NMNAT1: variants seen among roughly 807,000 people sequenced by gnomAD.
NMNAT1 encodes nicotinamide nucleotide adenylyltransferase 1, also known as nicotinamide/nicotinic acid mononucleotide adenylyltransferase 1.
Under a neutral mutation model 16.7 loss-of-function variants are expected in NMNAT1, and 11 were observed. That is an observed-to-expected ratio of 0.66 (90% CI 0.41 to 1.09). The LOEUF is 1.09. Ranked by LOEUF, NMNAT1 falls within the 50% of genes least tolerant of loss-of-function variation. The pLI is 0.00. For synonymous variants in NMNAT1, 110 were observed against 119.8 expected (o/e 0.92, Z 0.53); for missense variants, 280 against 332.3 (o/e 0.84, Z 1.22).
intron 3 of NMNAT1, among the ~76,000 whole-genome samples, chr1:9,977,349 C>T (rs1570711276): frequency 6.6e-6 from 1 of 152,126 alleles, no homozygotes; most frequent in African/African-American, 2.4e-5. Context: ...CCTAGGCCTC[C>T]CAAAGTGCTG....
intron 2 of NMNAT1, 95 bp from the exon 3 acceptor site, chr1:9,975,497 A>AAAAAC (rs1215858759): frequency 2.7e-6 from 3 of 1,107,378 alleles, no homozygotes; most frequent in Admixed American, 2.6e-5. Context: ...CTCTGTCTCA[A>AAAAAC]AAAACAAAAC....
At position 9,975,668 on chromosome 1, in the gene NMNAT1, T is replaced by C. The variant is rs776032481; in HGVS notation, c.192T>C (p.Tyr64=). ...AYKKKGLIPA[Y]HRVIMAELAT... Reference sequence around the variant, plus strand: ...AGAAGAAAGGACTCATTCCTGCCTATCACCGGGTCATCATGGCAGAACTTG... The same window carrying C: ...AGAAGAAAGGACTCATTCCTGCCTACCACCGGGTCATCATGGCAGAACTTG... Residue 64 remains tyrosine (Y), a synonymous_variant, in exon 3 of 5, where the codon TAT becomes TAC. Transcript: ENST00000377205. The C allele has an allele frequency of 1.2e-6, 2 of 1,614,046 alleles. No individual in the cohort carries two copies. Among genetic ancestry groups the C allele is most frequent in the Non-Finnish European group, 1.7e-6 (2 of 1,179,940 alleles).
chr1:9,987,749 A>C (rs1006376647), downstream of NMNAT1, among the ~76,000 whole-genome samples: 1 of 151,952 alleles, frequency 6.6e-6, no homozygotes, highest in African/African-American at 2.4e-5. Flanking sequence ...AGATTGCTTG[A>C]GCCTGGGATC....
the NMNAT1 span, among the ~76,000 whole-genome samples, chr1:9,996,663 T>C: frequency 2.6e-5 from 4 of 152,184 alleles, no homozygotes; most frequent in Non-Finnish European, 5.9e-5. Flanking sequence ...CCTTTGGTGC[T>C]TTCCCTCTTC....
At chr1:9,973,422 A>G (rs1641732983) in intron 2 of NMNAT1, among the ~76,000 whole-genome samples, 1 of 152,130 alleles carries the variant, frequency 6.6e-6, no homozygotes, top group Admixed American at 6.5e-5. Context: ...TAAACAATGC[A>G]TGAGGCTGGG....
chr1:9,987,366 C>T (rs1287483281), downstream of NMNAT1, among the ~76,000 whole-genome samples: 1 of 152,008 alleles, frequency 6.6e-6, no homozygotes, highest in Non-Finnish European at 1.5e-5. Context: ...GGCAGCAGGG[C>T]GCAGTGGCTC....
At chr1:9,991,587 C>T in the NMNAT1 span, among the ~76,000 whole-genome samples, 1 of 152,162 alleles carries the variant, frequency 6.6e-6, no homozygotes, top group Non-Finnish European at 1.5e-5. Context: ...CATAGCCAGT[C>T]AGTCAGTCAG....
At chr1:9,961,218 G>A (rs1211166610) in intron 1 of NMNAT1, among the ~76,000 whole-genome samples, 1 of 152,182 alleles carries the variant, frequency 6.6e-6, no homozygotes, top group Non-Finnish European at 1.5e-5. Flanking sequence ...ATCCCCAAGT[G>A]TAGGGCTAAA....
intron 3 of NMNAT1, among the ~76,000 whole-genome samples, chr1:9,978,893 G>A (rs1044412116): frequency 2.6e-5 from 4 of 152,150 alleles, no homozygotes; most frequent in East Asian, 1.9e-4. Context: ...GGCCCTTGCC[G>A]CTCTAGGACC....
downstream of NMNAT1, among the ~76,000 whole-genome samples, chr1:9,990,034 C>T (rs931115501): frequency 2.0e-5 from 3 of 152,222 alleles, no homozygotes; most frequent in African/African-American, 7.2e-5. Context: ...TGGAATGGCC[C>T]CTGCCAGCGC....
Position 9,957,591 on chromosome 1 carries a change from C to T in NMNAT1, c.-57+14076C>T, listed in dbSNP as rs141438480. Among the ~76,000 whole-genome samples the T allele has an allele frequency of 3.3e-3, 499 of 152,276 alleles. 4 individuals carry two copies. Among genetic ancestry groups the T allele is most frequent in the Middle Eastern group, 0.02 (6 of 294 alleles). On this transcript the variant is annotated intron_variant, in intron 1 of 4. Transcript: ENST00000377205. Reference sequence around the variant, plus strand: ...CAGGTGTGAGCCACCGTGCCCAGCCCTTATTTACCAGTTTTTAAATTCACG... The same window carrying T: ...CAGGTGTGAGCCACCGTGCCCAGCCTTTATTTACCAGTTTTTAAATTCACG...
At position 9,969,550 on chromosome 1, in the gene NMNAT1, G is replaced by A. The variant is rs142875044; in HGVS notation, c.-56-2468G>A. ...GTGGATCACTTGAGGCCAGGAGTTC[G>A]AGACCAGCCTAGCTAACATGGTGAA... On this transcript the variant is annotated intron_variant, in intron 1 of 4. Coordinates refer to ENST00000377205, the MANE Select transcript of NMNAT1 (RefSeq NM_022787.4). 2.6e-4 allele frequency among the ~76,000 whole-genome samples: 40 copies of A among 152,212 alleles called. No individual in the cohort carries two copies. In the East Asian group the frequency reaches 5.6e-3, roughly 21 times the overall value.
the NMNAT1 span, among the ~76,000 whole-genome samples, chr1:9,995,852 C>G: frequency 6.6e-6 from 1 of 151,746 alleles, no homozygotes; most frequent in African/African-American, 2.4e-5. Context: ...CATGATGAAA[C>G]CCCCATCTCC....
chr1:9,962,059 C>T (rs1173261932), intron 1 of NMNAT1, among the ~76,000 whole-genome samples: 1 of 151,950 alleles, frequency 6.6e-6, no homozygotes, highest in Admixed American at 6.6e-5. Context: ...TGACCTACCG[C>T]GCCCGGACCC....
intron 1 of NMNAT1, among the ~76,000 whole-genome samples, chr1:9,944,220 C>CT (rs1358404976): frequency 2.0e-5 from 3 of 151,906 alleles, no homozygotes; most frequent in African/African-American, 7.3e-5. Context: ...CGCCATTGCA[C>CT]TCCAGCCGGG....
downstream of NMNAT1, among the ~76,000 whole-genome samples, chr1:9,989,774 A>G (rs967473739): frequency 7.2e-5 from 11 of 152,302 alleles, no homozygotes; most frequent in African/African-American, 2.2e-4. Flanking sequence ...AAGTGCGGGT[A>G]CAAAAGCCTG....
chr1:9,996,251 C>T, the NMNAT1 span, among the ~76,000 whole-genome samples: 6 of 146,416 alleles, frequency 4.1e-5, no homozygotes, highest in Admixed American at 4.2e-4. Flanking sequence ...GCGGAGCTTG[C>T]AGTGAGCCGA....
chr1:9,994,072 T>C, the NMNAT1 span, among the ~76,000 whole-genome samples: 1 of 146,564 alleles, frequency 6.8e-6, no homozygotes, highest in Non-Finnish European at 1.5e-5. Context: ...CAACAAATAA[T>C]AATACACATA....
intron 1 of NMNAT1, chr1:9,952,292 ACT>A (rs961133400): frequency 4.6e-5 from 7 of 151,726 alleles, no homozygotes; most frequent in African/African-American, 1.2e-4. Context: ...ACAGAGTGAG[ACT>A]CTGTCTCAAA....
Sources: allele counts gnomAD v4.1 joint callset (sites outside exome capture counted in the v4.1 genomes callset), GRCh38; gene constraint gnomAD v4.1.1; transcripts MANE v1.5; gene names NCBI Gene and HGNC (gene_info 2026-07-23, HGNC 2026-07-21).